Variants in GJA1 observed in about 807,000 individuals in gnomAD.
GJA1 encodes the protein gap junction protein alpha 1, also known as gap junction alpha-1 protein.
GJA1 carries 9 observed loss-of-function variants against 31.0 expected under a neutral mutation model. The observed-to-expected ratio is 0.29, with a 90% CI of 0.17 to 0.51. The LOEUF is 0.51. GJA1 is among the 20% of genes least tolerant of loss of function. The pLI is 0.98. For missense variants in GJA1, 278 were observed against 468.8 expected, an observed-to-expected ratio of 0.59 and a Z score of 3.76; for synonymous variants, 186 against 180.1, an observed-to-expected ratio of 1.03 and a Z score of -0.26.
At chr6:121,444,930 T>C (rs989350964) in intron 1 of GJA1, among the ~76,000 whole-genome samples, 3 of 152,206 alleles carry the variant, frequency 2.0e-5, no homozygotes, top group African/African-American at 7.2e-5. Flanking sequence ...CTGGAAACAT[T>C]TCTAGCTTTA....
intron 1 of GJA1, among the ~76,000 whole-genome samples, chr6:121,437,942 G>A (rs1773696748): frequency 6.6e-6 from 1 of 152,148 alleles, no homozygotes; most frequent in Non-Finnish European, 1.5e-5. Flanking sequence ...AAGGATAACT[G>A]GAAATTAAAG....
At chr6:121,439,030 G>T (rs1444174431) in intron 1 of GJA1, among the ~76,000 whole-genome samples, 1 of 151,938 alleles carries the variant, frequency 6.6e-6, no homozygotes, top group East Asian at 1.9e-4. Context: ...GGGCATGATG[G>T]CTCATGCCTG....
intron 1 of GJA1, among the ~76,000 whole-genome samples, chr6:121,443,264 G>A (rs1309871551): frequency 6.6e-6 from 1 of 152,034 alleles, no homozygotes; most frequent in Non-Finnish European, 1.5e-5. Flanking sequence ...AAAAAAAAAG[G>A]GAACAATTTT....
intron 1 of GJA1, among the ~76,000 whole-genome samples, chr6:121,443,078 T>C (rs1360157992): frequency 6.6e-6 from 1 of 152,194 alleles, no homozygotes; most frequent in Non-Finnish European, 1.5e-5. Context: ...GTTTATAGTC[T>C]GTAGATCAAT....
Position 121,448,352 on chromosome 6 carries a change from G to T in GJA1, c.*356G>T, listed in dbSNP as rs533993385. ...TGTGAATGAGCGGGTGGTAATTGTG[G>T]CTAAATATTTTTGTTTTACCAAGAA... On this transcript the variant is annotated 3_prime_UTR_variant, in exon 2 of 2. Coordinates refer to ENST00000282561, the MANE Select transcript of GJA1 (RefSeq NM_000165.5). 106 of 274,138 alleles carry T rather than the reference G, an allele frequency of 3.9e-4. No individual in the cohort carries two copies. The highest frequency in any genetic ancestry group is 2.2e-3 in the African/African-American group (101 of 45,792). The allele number at this position is 274,138 out of a possible 1,614,324, so 17.0% of individuals were successfully genotyped here.
rs904683660 is a variant in GJA1 at position 121,447,044 on chromosome 6, A to G, written c.197A>G (p.Tyr66Cys). ...TQQPGCENVC[Y>C]DKSFPISHVR... is the part of the protein sequence containing the mutation. The stretch of plus-strand genomic sequence containing the variant: ...CAACCTGGTTGTGAAAATGTCTGCT[A>G]TGACAAGTCTTTCCCAATCTCTCAT... The change falls in exon 2 of 2, where the codon TAT becomes TGT. Residue 66 changes from tyrosine to cysteine, a missense_variant. Physicochemically the swap from Tyr to Cys is radical, Grantham distance 194. Around this residue, in one of 3 missense-constraint regions of GJA1, gnomAD observed 26 missense variants for 114.4 expected, o/e 0.23. Coordinates refer to ENST00000282561, the MANE Select transcript of GJA1 (RefSeq NM_000165.5). The G allele has an allele frequency of 6.2e-7, 1 of 1,613,572 alleles. No individual in the cohort carries two copies. The highest frequency in any genetic ancestry group is 1.1e-5 in the South Asian group (1 of 91,074).
chr6:121,438,911 CT>C (rs3840371), intron 1 of GJA1, among the ~76,000 whole-genome samples: 3,786 of 151,010 alleles, frequency 0.025, 209 homozygotes, highest in East Asian at 0.21. Flanking sequence ...GTGGTTAGCT[CT>C]TTTTTTTTAA....
intron 1 of GJA1, among the ~76,000 whole-genome samples, chr6:121,444,386 G>A (rs923842197): frequency 6.6e-6 from 1 of 152,128 alleles, no homozygotes; most frequent in Non-Finnish European, 1.5e-5. Flanking sequence ...ACTAGTCCCT[G>A]GGCTGTCATC....
At position 121,447,802 on chromosome 6, in the gene GJA1, C is replaced by G; in HGVS notation, c.955C>G (p.Arg319Gly). 6.2e-7 allele frequency: 1 copy of G among 1,613,882 alleles called. No individual in the cohort carries two copies. Among genetic ancestry groups the G allele is most frequent in the South Asian group, 1.1e-5 (1 of 91,076 alleles). The change falls in exon 2 of 2, where the codon CGA (arginine) becomes GGA (glycine). Residue 319 changes from arginine to glycine, a missense_variant. Arg to Gly is a moderately radical substitution (Grantham distance 125, BLOSUM62 -2). Around this residue, in one of 3 missense-constraint regions of GJA1, gnomAD observed 172 missense variants for 190.9 expected, o/e 0.90. Coordinates refer to ENST00000282561, the MANE Select transcript of GJA1 (RefSeq NM_000165.5). ...NWANYSAEQN[R>G]MGQAGSTISN... is the part of the protein sequence containing the mutation. ...GGCTAATTACAGTGCAGAACAAAAT[C>G]GAATGGGGCAGGCGGGAAGCACCAT...
chr6:121,448,237 G>T lies in GJA1; in HGVS notation c.*241G>T. ...TGGTATTTAAAGTAGTGGATTCAAAGAACTTAGATTATAAATAAGAGTTCC... is the reference window on the plus strand; with the variant it reads ...TGGTATTTAAAGTAGTGGATTCAAATAACTTAGATTATAAATAAGAGTTCC... On this transcript the variant is annotated 3_prime_UTR_variant, in exon 2 of 2. Transcript: ENST00000282561. The T allele has an allele frequency of 1.7e-6, 1 of 572,770 alleles. No homozygotes were observed. The highest frequency in any genetic ancestry group is 3.2e-6 in the Non-Finnish European group (1 of 312,064). 35.5% of individuals were successfully genotyped at this position (572,770 alleles called of 1,614,324 possible).
chr6:121,446,913 G>A lies in GJA1; in HGVS notation c.66G>A (p.Gly22=), dbSNP rs754592117. The A allele has an allele frequency of 3.1e-6, 5 of 1,613,832 alleles. No individual in the cohort carries two copies. Among genetic ancestry groups the A allele is most frequent in the East Asian group, 4.5e-5 (2 of 44,892 alleles). ...DKVQAYSTAG[G]KVWLSVLFIF... ...TTCAAGCCTACTCAACTGCTGGAGG[G>A]AAGGTGTGGCTGTCAGTACTTTTCA... is the stretch of plus-strand genomic sequence containing the variant. Residue 22 remains glycine (G), a synonymous_variant, in exon 2 of 2, where the codon GGG becomes GGA. Coordinates refer to ENST00000282561, the MANE Select transcript of GJA1 (RefSeq NM_000165.5).
chr6:121,441,067 C>A (rs372971369), intron 1 of GJA1, among the ~76,000 whole-genome samples: 4 of 150,196 alleles, frequency 2.7e-5, no homozygotes, highest in African/African-American at 7.4e-5. Flanking sequence ...CTCAGCCTCC[C>A]GAGTAGCTGG....
chr6:121,438,409 G>A (rs915580450), intron 1 of GJA1, among the ~76,000 whole-genome samples: 1 of 152,230 alleles, frequency 6.6e-6, no homozygotes, highest in Admixed American at 6.5e-5. Context: ...ATAAAAGGCT[G>A]TGCTTTCAGA....
intron 1 of GJA1, among the ~76,000 whole-genome samples, chr6:121,440,938 TG>T (rs1188313415): frequency 5.8e-4 from 80 of 138,804 alleles, no homozygotes; most frequent in African/African-American, 1.9e-3. Flanking sequence ...TTGTTGTTGT[TG>T]TTGTTTGTCG....
intron 1 of GJA1, among the ~76,000 whole-genome samples, chr6:121,436,682 A>G (rs1773667852): frequency 6.6e-6 from 1 of 152,122 alleles, no homozygotes; most frequent in Non-Finnish European, 1.5e-5. Flanking sequence ...CCGTCTCCTA[A>G]AACGGGAGCT....
intron 1 of GJA1, among the ~76,000 whole-genome samples, chr6:121,443,226 T>G (rs1167641729): frequency 3.3e-5 from 5 of 152,074 alleles, no homozygotes; most frequent in Non-Finnish European, 7.3e-5. Flanking sequence ...TTGCCAAAAT[T>G]TGATTCATGG....
rs959989024 is a variant in GJA1, at chr6:121,435,780, T to A, written c.-69T>A. 6.6e-6 allele frequency: 1 copy of A among 152,240 alleles called. No homozygotes were observed. The highest frequency in any genetic ancestry group is 2.4e-5 in the African/African-American group (1 of 41,444). 9.4% of individuals were successfully genotyped at this position (152,240 alleles called of 1,614,324 possible). A position where few individuals can be genotyped will look rare whatever the true frequency, so the allele number is the denominator to read the frequency against. ...GAACTTGCCTTTTCATTTTACTTCA[T>A]CCTCCAAGGAGTTCAATCACTTGGC... On this transcript the variant is annotated 5_prime_UTR_variant, in exon 1 of 2. Coordinates refer to ENST00000282561, the MANE Select transcript of GJA1 (RefSeq NM_000165.5).
At chr6:121,444,251 T>A (rs1023419446) in intron 1 of GJA1, among the ~76,000 whole-genome samples, 1 of 152,204 alleles carries the variant, frequency 6.6e-6, no homozygotes, top group Non-Finnish European at 1.5e-5. Flanking sequence ...TCCTAACTTG[T>A]CACTTCAGAA....
At chr6:121,445,405 CTTATAGGCGTGAGTGCA>C (rs1184025916) in intron 1 of GJA1, among the ~76,000 whole-genome samples, 1 of 152,156 alleles carries the variant, frequency 6.6e-6, no homozygotes, top group African/African-American at 2.4e-5. Context: ...TCCCAAAGTG[CTTATAGGCGTGAGTGCA>C]TTATAGGCGT....
Sources: allele counts gnomAD v4.1 joint callset (sites outside exome capture counted in the v4.1 genomes callset), GRCh38; gene constraint gnomAD v4.1.1; regional missense constraint gnomAD v4.1.1; transcripts MANE v1.5; gene names NCBI Gene and HGNC (gene_info 2026-07-23, HGNC 2026-07-21).